The following CTNNA2 variants were observed in gnomAD, a reference collection of about 807,000 sequenced individuals.
CTNNA2 encodes the protein catenin alpha 2, also known as catenin alpha-2.
A neutral mutation model predicts 101.0 loss-of-function variants in CTNNA2; 42 were observed. That is an observed-to-expected ratio of 0.42 (90% CI 0.32 to 0.54). The LOEUF (loss-of-function observed/expected upper bound fraction) is 0.54, where lower values mean the gene tolerates loss of function less well. Among genes scored for constraint, CTNNA2 ranks in the 20% least tolerant of loss-of-function variants. The probability of loss-of-function intolerance (pLI) is 0.14; values close to 1 mark genes in which losing one functional copy is unlikely to be tolerated. For synonymous variants in CTNNA2, 450 were observed against 456.4 expected (o/e 0.99, Z 0.18); for missense variants, 871 against 1,223.1 (o/e 0.71, Z 4.29).
intron 7 of CTNNA2, among the ~76,000 whole-genome samples, chr2:80,373,681 A>G (rs984184346): frequency 2.0e-5 from 3 of 152,196 alleles, no homozygotes; most frequent in Admixed American, 2.0e-4. Context: ...CCAATTTCTA[A>G]TAAGAGATGT....
chr2:79,324,572 G>A (rs1223504704), intron 3 of CTNNA2, among the ~76,000 whole-genome samples: 2 of 152,120 alleles, frequency 1.3e-5, no homozygotes, highest in Non-Finnish European at 1.5e-5. Context: ...ATTACATCCA[G>A]TCAATCAAAA....
chr2:79,582,428 ATG>A (rs1676205381), intron 1 of CTNNA2, among the ~76,000 whole-genome samples: 1 of 152,116 alleles, frequency 6.6e-6, no homozygotes, highest in South Asian at 2.1e-4. Flanking sequence ...CATGTTTTAG[ATG>A]TCTCTCTTTT....
At chr2:80,417,681 A>G (rs1680161313) in intron 8 of CTNNA2, among the ~76,000 whole-genome samples, 1 of 151,688 alleles carries the variant, frequency 6.6e-6, no homozygotes, top group Non-Finnish European at 1.5e-5. Context: ...CATATTTTAT[A>G]TTATTTTTAT....
At chr2:80,529,398 C>A (rs946879572) in intron 9 of CTNNA2, among the ~76,000 whole-genome samples, 2 of 152,162 alleles carry the variant, frequency 1.3e-5, no homozygotes, top group Non-Finnish European at 2.9e-5. Flanking sequence ...TGTACATAAT[C>A]TGTTGTGAAA....
chr2:80,147,283 G>A (rs1226388486), intron 7 of CTNNA2, among the ~76,000 whole-genome samples: 4 of 151,776 alleles, frequency 2.6e-5, no homozygotes, highest in East Asian at 1.9e-4. Flanking sequence ...TGTATTTTTC[G>A]TACAGTTGGG....
In CTNNA2 at chr2:79,667,287, G is replaced by A. The variant is rs114769582; in HGVS notation, c.102+15629G>A. 2.6e-3 allele frequency among the ~76,000 whole-genome samples: 397 copies of A among 152,292 alleles called. 1 individual carries two copies. The highest frequency in any genetic ancestry group is 3.6e-3 in the Non-Finnish European group (247 of 68,016). Reference sequence around the variant, plus strand: ...ATGAAGGTTAACTTTTTGTGTGCTTGCAGGAGATCATTAAAGCAAGAGCAA... The same window carrying A: ...ATGAAGGTTAACTTTTTGTGTGCTTACAGGAGATCATTAAAGCAAGAGCAA... On this transcript the variant is annotated intron_variant, in intron 2 of 18. Transcript: ENST00000402739.
At chr2:80,628,671 T>TC (rs1671955490) in intron 18 of CTNNA2, among the ~76,000 whole-genome samples, 1 of 152,108 alleles carries the variant, frequency 6.6e-6, no homozygotes, top group African/African-American at 2.4e-5. Flanking sequence ...GGCTTTTTTT[T>TC]CTACAGTTTT....
At chr2:79,486,353 CTGAGAA>C (rs1671157557) in intron 4 of CTNNA2, among the ~76,000 whole-genome samples, 1 of 151,746 alleles carries the variant, frequency 6.6e-6, no homozygotes, top group South Asian at 2.1e-4. Context: ...TGATAGTTTG[CTGAGAA>C]TGATGGTTTC....
chr2:79,901,969 G>C (rs1179322799), intron 6 of CTNNA2, among the ~76,000 whole-genome samples: 1 of 152,148 alleles, frequency 6.6e-6, no homozygotes, highest in Admixed American at 6.5e-5. Flanking sequence ...AGCAATATTT[G>C]TATTTACCTT....
Position 79,331,216 on chromosome 2 carries a change from C to A in CTNNA2, c.-318+18420C>A, listed in dbSNP as rs573002035. 2.2e-4 allele frequency among the ~76,000 whole-genome samples: 33 copies of A among 152,256 alleles called. No individual in the cohort carries two copies. The South Asian group carries it at 6.6e-3, about 31-fold the overall frequency. ...ATGGCTCAGCTACCCACACTCCCTG[C>A]CAGTCTTCATTCCTCTTGGATCCCA... On this transcript the variant is annotated intron_variant, in intron 3 of 21. Transcript: ENST00000466387.
intron 3 of CTNNA2, among the ~76,000 whole-genome samples, chr2:79,350,716 G>A (rs1677367504): frequency 6.6e-6 from 1 of 152,124 alleles, no homozygotes; most frequent in Non-Finnish European, 1.5e-5. Flanking sequence ...TCTCCATACT[G>A]TTTTCCATAT....
intron 6 of CTNNA2, among the ~76,000 whole-genome samples, chr2:79,890,828 G>A (rs543824230): frequency 1.7e-4 from 24 of 140,424 alleles, no homozygotes; most frequent in African/African-American, 6.3e-4. Flanking sequence ...GATAGGTGTT[G>A]ACAGACTCAG....
At chr2:80,553,821 A>G (rs557235128) in intron 11 of CTNNA2, among the ~76,000 whole-genome samples, 1 of 152,314 alleles carries the variant, frequency 6.6e-6, no homozygotes, top group African/African-American at 2.4e-5. Flanking sequence ...TTCTCTGTCA[A>G]TATTCATTTG....
chr2:80,495,888 C>T (rs925366872), intron 9 of CTNNA2, among the ~76,000 whole-genome samples: 36 of 137,354 alleles, frequency 2.6e-4, no homozygotes, highest in Non-Finnish European at 4.5e-5. Flanking sequence ...TTCAGTGAGC[C>T]GAGATTATGC....
chr2:80,503,777 C>T (rs146176080), intron 9 of CTNNA2, among the ~76,000 whole-genome samples: 19 of 152,142 alleles, frequency 1.2e-4, no homozygotes, highest in African/African-American at 4.3e-4. Flanking sequence ...GAAAGAGGAT[C>T]AGGGAAGCTG....
intron 6 of CTNNA2, among the ~76,000 whole-genome samples, chr2:79,907,908 T>G (rs1179130752): frequency 6.6e-6 from 1 of 152,176 alleles, no homozygotes; most frequent in East Asian, 1.9e-4. Flanking sequence ...CTACCTACAC[T>G]CATTCCTTAA....
intron 2 of CTNNA2, among the ~76,000 whole-genome samples, chr2:79,735,006 A>G (rs983660750): frequency 6.6e-6 from 1 of 152,158 alleles, no homozygotes; most frequent in Non-Finnish European, 1.5e-5. Flanking sequence ...CACTTTTACC[A>G]GTGTCCATTA....
intron 4 of CTNNA2, among the ~76,000 whole-genome samples, chr2:79,487,283 A>G (rs770607011): frequency 2.0e-5 from 3 of 152,236 alleles, no homozygotes; most frequent in South Asian, 2.1e-4. Flanking sequence ...TATTGTAAAC[A>G]TAAGTGGGTA....
At chr2:79,706,062 T>TA (rs1685337791) in intron 2 of CTNNA2, among the ~76,000 whole-genome samples, 1 of 152,088 alleles carries the variant, frequency 6.6e-6, no homozygotes, top group Admixed American at 6.6e-5. Flanking sequence ...CGTGTGGTCT[T>TA]ACTAAAAATT....
Sources: allele counts gnomAD v4.1 joint callset (sites outside exome capture counted in the v4.1 genomes callset), GRCh38; gene constraint gnomAD v4.1.1; transcripts MANE v1.5; gene names NCBI Gene and HGNC (gene_info 2026-07-23, HGNC 2026-07-21).